LY75: variants seen among roughly 807,000 people sequenced by gnomAD.
LY75 encodes C-type lectin domain family 13 member B.
LY75 carries 185 observed loss-of-function variants against 231.7 expected under a neutral mutation model. The ratio of observed to expected loss-of-function variants is 0.80; its 90% CI spans 0.71 to 0.90. The LOEUF (loss-of-function observed/expected upper bound fraction) is 0.90. Ranked by LOEUF, LY75 falls within the 40% of genes least tolerant of loss-of-function variation. The pLI is 0.00. For synonymous variants in LY75, 668 were observed against 689.0 expected, an observed-to-expected ratio of 0.97 and a Z score of 0.48; for missense variants, 1,947 against 2,050.2, an observed-to-expected ratio of 0.95 and a Z score of 0.97.
At chr2:159,824,499 G>A (rs1482442735) in intron 28 of LY75, among the ~76,000 whole-genome samples, 1 of 152,052 alleles carries the variant, frequency 6.6e-6, no homozygotes, top group Admixed American at 6.6e-5. Context: ...AGAGACTTAG[G>A]CTCCTGCACA....
intron 1 of LY75, among the ~76,000 whole-genome samples, chr2:159,900,559 C>G (rs1686044180): frequency 6.6e-6 from 1 of 152,210 alleles, no homozygotes; most frequent in South Asian, 2.1e-4. Flanking sequence ...GATGCTTTTC[C>G]TAGTAATAAT....
chr2:159,886,335 A>C, intron 5 of LY75, 85 bp downstream of exon 5: 1 of 1,395,156 alleles, frequency 7.2e-7, no homozygotes, highest in East Asian at 2.5e-5. Context: ...AAGATGTGAA[A>C]CTTTTCTAAG....
chr2:159,875,381 G>C lies in LY75; in HGVS notation c.1974+63C>G, dbSNP rs982192726. 4.3e-5 allele frequency: 67 copies of C among 1,569,982 alleles called. No homozygotes were observed. The Middle Eastern group carries it at 6.9e-4, about 16-fold the overall frequency. ...TGGAGAAGAGCATAATTTGTACAAG[G>C]ACATGAACAAGGGTAGTGGAAAAAT... On this transcript the variant is annotated intron_variant, in intron 12 of 34. Transcript: ENST00000263636.
intron 8 of LY75, among the ~76,000 whole-genome samples, chr2:159,879,666 C>T (rs1169699798): frequency 6.6e-6 from 1 of 152,114 alleles, no homozygotes; most frequent in African/African-American, 2.4e-5. Flanking sequence ...GAGAAGAACT[C>T]AGCCCACAGT....
At chr2:159,885,795 C>T (rs1055281760) in intron 5 of LY75, among the ~76,000 whole-genome samples, 7 of 152,106 alleles carry the variant, frequency 4.6e-5, no homozygotes, top group Non-Finnish European at 8.8e-5. Context: ...AGTTTTCCTA[C>T]TATGTGTGCA....
intron 25 of LY75, among the ~76,000 whole-genome samples, chr2:159,835,899 T>G (rs1683808374): frequency 6.6e-6 from 1 of 152,196 alleles, no homozygotes; most frequent in South Asian, 2.1e-4. Context: ...GGTATGTAAC[T>G]TGTGCAAAGT....
intron 1 of LY75, among the ~76,000 whole-genome samples, chr2:159,901,784 G>A (rs1194307229): frequency 6.6e-6 from 1 of 152,188 alleles, no homozygotes; most frequent in Non-Finnish European, 1.5e-5. Flanking sequence ...CAATTTCAAT[G>A]TGACACTTAT....
At chr2:159,814,735 T>A (rs1351060484) in intron 31 of LY75, among the ~76,000 whole-genome samples, 2 of 150,264 alleles carry the variant, frequency 1.3e-5, no homozygotes, top group Non-Finnish European at 3.0e-5. Context: ...GAAAAGAAAC[T>A]CTCTTAGAAA....
At position 159,842,193 on chromosome 2, in the gene LY75, A is replaced by G. The variant is rs368861336; in HGVS notation, c.3280+52T>C. Reference sequence around the variant, plus strand: ...AAAGTGACTCTCTCTCTCTCTATATATATATATGTAATAGCATAAAGTACC... The same window carrying G: ...AAAGTGACTCTCTCTCTCTCTATATGTATATATGTAATAGCATAAAGTACC... On this transcript the variant is annotated intron_variant, in intron 24 of 34. Coordinates refer to ENST00000263636, the MANE Select transcript of LY75 (RefSeq NM_002349.4). 6.0e-5 allele frequency: 95 copies of G among 1,571,866 alleles called. 3 individuals carry two copies. In the African/African-American group the frequency reaches 1.3e-3, roughly 22 times the overall value.
chr2:159,823,141 A>G (rs1388070495), intron 28 of LY75, among the ~76,000 whole-genome samples: 1 of 152,194 alleles, frequency 6.6e-6, no homozygotes, highest in African/African-American at 2.4e-5. Context: ...GGGTAATTAC[A>G]AACTGCTCCG....
intron 2 of LY75, among the ~76,000 whole-genome samples, chr2:159,897,443 C>G (rs1022436863): frequency 6.7e-6 from 1 of 149,956 alleles, no homozygotes; most frequent in African/African-American, 2.4e-5. Context: ...AACAGACTGT[C>G]AACTATTCAA....
intron 31 of LY75, among the ~76,000 whole-genome samples, chr2:159,813,582 C>G (rs1378287026): frequency 6.6e-6 from 1 of 152,150 alleles, no homozygotes; most frequent in Non-Finnish European, 1.5e-5. Context: ...GTTTATCACT[C>G]TGTCACTGCA....
chr2:159,878,781 C>T (rs1685349216), intron 9 of LY75, 60 bp from the exon 10 acceptor site: 2 of 1,570,646 alleles, frequency 1.3e-6, no homozygotes, highest in Non-Finnish European at 1.7e-6. Flanking sequence ...TCCCGTCTGG[C>T]AAGCATGTTT....
At position 159,840,905 on chromosome 2, in the gene LY75, G is replaced by C. The variant is rs1560075948; in HGVS notation, c.3331C>G (p.Leu1111Val). Residue 1111 changes from leucine to valine, a missense_variant, in exon 25 of 35, where the codon CTA becomes GTA. By Grantham distance (32) the Leu-to-Val change is conservative. Transcript: ENST00000263636. ...LQNASETVKY[L>V]NNLYKIIPKT... ...GGGATTATTTTGTACAGATTATTTA[G>C]ATACTTTACAGTTTCTGAAGCATTC... The C allele has an allele frequency of 1.9e-6, 3 of 1,614,036 alleles. No homozygotes were observed. The highest frequency in any genetic ancestry group is 4.5e-5 in the East Asian group (2 of 44,878).
intron 26 of LY75, 134 bp from the exon 27 acceptor site, chr2:159,834,345 T>TA: frequency 8.5e-7 from 1 of 1,178,594 alleles, no homozygotes; most frequent in Non-Finnish European, 1.2e-6. Context: ...CTGTCTCTGT[T>TA]TATACTCAGA....
intron 11 of LY75, among the ~76,000 whole-genome samples, chr2:159,877,600 T>C (rs1685315563): frequency 6.6e-6 from 1 of 152,194 alleles, no homozygotes; most frequent in African/African-American, 2.4e-5. Context: ...CCAGGCACAG[T>C]GGCTCACACC....
At chr2:159,904,562 C>T (rs1319216935) in intron 1 of LY75, 27 bp downstream of exon 1, 2 of 1,503,968 alleles carry the variant, frequency 1.3e-6, no homozygotes, top group Admixed American at 4.3e-5. Flanking sequence ...ACCCAGCGGA[C>T]TGCGGGGCTG....
intron 29 of LY75, 100 bp from the exon 30 acceptor site, chr2:159,817,132 G>T: frequency 3.1e-6 from 4 of 1,275,406 alleles, no homozygotes; most frequent in Non-Finnish European, 4.2e-6. Flanking sequence ...AAATAAAACT[G>T]GGTTTCTTAT....
chr2:159,808,369 A>G lies in LY75; in HGVS notation c.4822+80T>C, dbSNP rs79351051. On this transcript the variant is annotated intron_variant, in intron 33 of 34. Coordinates refer to ENST00000263636, the MANE Select transcript of LY75 (RefSeq NM_002349.4). ...GCATCTGAATTAGCCACTACTTAAC[A>G]TTCTTTAGCAAGGACGACTTGTTAT... is the stretch of plus-strand genomic sequence containing the variant. 2.5e-3 allele frequency: 3,956 copies of G among 1,607,456 alleles called. 74 individuals carry two copies. In the African/African-American group the frequency reaches 0.045, roughly 18 times the overall value.
Sources: gnomAD v4.1 joint callset for allele counts (sites outside exome capture counted in the v4.1 genomes callset) on GRCh38, gnomAD v4.1.1 for gene constraint, MANE v1.5 for transcripts, NCBI Gene and HGNC (gene_info 2026-07-23, HGNC 2026-07-21) for gene names.